The following CDH13 variants were observed in gnomAD, a reference collection of about 807,000 sequenced individuals.
CDH13 encodes the protein cadherin 13, also known as cadherin-13.
CDH13 carries 24 observed loss-of-function variants against 63.8 expected under a neutral mutation model. The observed-to-expected ratio is 0.38, with a 90% confidence interval of 0.27 to 0.53. CDH13 has a LOEUF of 0.53. Among genes scored for constraint, CDH13 ranks in the 20% least tolerant of loss-of-function variants. CDH13 has a pLI of 0.85. For synonymous variants in CDH13, 503 were observed against 355.3 expected (o/e 1.42, Z -4.67); for missense variants, 1,049 against 903.1 (o/e 1.16, Z -2.07).
At position 82,750,504 on chromosome 16, in the gene CDH13, A is replaced by G. The variant is rs115967131; in HGVS notation, c.46-107858A>G. 7.3e-3 allele frequency among the ~76,000 whole-genome samples: 1,104 copies of G among 152,262 alleles called. 18 individuals are homozygous for G. Among genetic ancestry groups the G allele is most frequent in the African/African-American group, 0.026 (1,061 of 41,544 alleles). Reference sequence around the variant, plus strand: ...TCCTCCCTTTGCCCATTCAATTCCAATCTGAATGTTAGTACCAGACTAATG... The same window carrying G: ...TCCTCCCTTTGCCCATTCAATTCCAGTCTGAATGTTAGTACCAGACTAATG... On this transcript the variant is annotated intron_variant, in intron 1 of 13. Transcript: ENST00000567109.
chr16:82,677,112 G>C (rs1225107569), intron 1 of CDH13, among the ~76,000 whole-genome samples: 1 of 152,186 alleles, frequency 6.6e-6, no homozygotes, highest in Non-Finnish European at 1.5e-5. Context: ...TTGATCTCTT[G>C]ACCTCATGAT....
intron 2 of CDH13, among the ~76,000 whole-genome samples, chr16:83,022,694 A>T (rs1376554652): frequency 6.6e-6 from 1 of 152,132 alleles, no homozygotes; most frequent in Non-Finnish European, 1.5e-5. Flanking sequence ...TCTGATTCAT[A>T]TGCATCCTTG....
chr16:83,515,594 A>G (rs965524324), intron 7 of CDH13, among the ~76,000 whole-genome samples: 6 of 152,208 alleles, frequency 3.9e-5, no homozygotes, highest in Non-Finnish European at 7.3e-5. Context: ...CCCAGCTGTC[A>G]AAGTTTCCAG....
chr16:83,030,497 G>T (rs146049545), intron 2 of CDH13, among the ~76,000 whole-genome samples: 2 of 151,812 alleles, frequency 1.3e-5, no homozygotes, highest in Admixed American at 6.6e-5. Flanking sequence ...ACAAAAATTA[G>T]CCAGGCATGA....
intron 3 of CDH13, among the ~76,000 whole-genome samples, chr16:83,042,343 G>C (rs919369143): frequency 2.0e-5 from 3 of 152,168 alleles, no homozygotes; most frequent in Non-Finnish European, 2.9e-5. Flanking sequence ...GATTCTCATA[G>C]GAGTGTGAAC....
intron 6 of CDH13, among the ~76,000 whole-genome samples, chr16:83,451,655 C>T (rs922770457): frequency 2.0e-5 from 3 of 152,134 alleles, no homozygotes; most frequent in African/African-American, 7.2e-5. Context: ...ATAGCTGGGA[C>T]CACTGGTATG....
At chr16:83,229,062 G>A (rs2039928393) in intron 5 of CDH13, among the ~76,000 whole-genome samples, 1 of 152,110 alleles carries the variant, frequency 6.6e-6, no homozygotes, top group Admixed American at 6.5e-5. Context: ...CTTGTGGGAG[G>A]AGGGCAGGCC....
At chr16:83,322,869 C>G (rs1023600467) in intron 5 of CDH13, among the ~76,000 whole-genome samples, 1 of 151,936 alleles carries the variant, frequency 6.6e-6, no homozygotes, top group Non-Finnish European at 1.5e-5. Context: ...ACTAGAACCA[C>G]CTTCTGATTT....
At chr16:82,829,435 T>C (rs2038423039) in intron 1 of CDH13, 1 of 152,116 alleles carries the variant, frequency 6.6e-6, no homozygotes, top group African/African-American at 2.4e-5. Flanking sequence ...GAGGGGCCAG[T>C]ATTGCATTTA....
chr16:83,295,555 G>T (rs2089571657), intron 5 of CDH13, among the ~76,000 whole-genome samples: 1 of 152,006 alleles, frequency 6.6e-6, no homozygotes, highest in Admixed American at 6.6e-5. Flanking sequence ...CATAAAAATG[G>T]CCAGCAGGCA....
At chr16:83,089,097 C>A (rs2033763280) in intron 3 of CDH13, among the ~76,000 whole-genome samples, 1 of 152,108 alleles carries the variant, frequency 6.6e-6, no homozygotes, top group South Asian at 2.1e-4. Context: ...AATTCCTTTC[C>A]ATGTCTATGG....
chr16:83,389,369 A>T (rs1054437014), intron 6 of CDH13, among the ~76,000 whole-genome samples: 1 of 152,158 alleles, frequency 6.6e-6, no homozygotes, highest in Non-Finnish European at 1.5e-5. Context: ...TTATTTTCAA[A>T]TCTGATTTTC....
At chr16:82,940,430 G>T (rs1353486144) in intron 2 of CDH13, among the ~76,000 whole-genome samples, 1 of 152,128 alleles carries the variant, frequency 6.6e-6, no homozygotes, top group Non-Finnish European at 1.5e-5. Context: ...AACCTTAGCA[G>T]TTATGATTGT....
chr16:83,296,481 A>G (rs2089600630), intron 5 of CDH13, among the ~76,000 whole-genome samples: 1 of 152,190 alleles, frequency 6.6e-6, no homozygotes, highest in Admixed American at 6.5e-5. Flanking sequence ...TGGAAAGGGG[A>G]GAGGCATAAG....
chr16:83,046,752 T>C (rs1020777255), intron 3 of CDH13, among the ~76,000 whole-genome samples: 2 of 152,162 alleles, frequency 1.3e-5, no homozygotes, highest in Non-Finnish European at 2.9e-5. Context: ...GCCTCCTAGA[T>C]AGTGAGGCTG....
At chr16:83,327,552 C>G (rs1054241636) in intron 5 of CDH13, among the ~76,000 whole-genome samples, 9 of 152,082 alleles carry the variant, frequency 5.9e-5, no homozygotes, top group African/African-American at 2.2e-4. Flanking sequence ...GCTATGGAAA[C>G]AAGACAGACA....
chr16:83,464,810 A>G (rs2073267782), intron 6 of CDH13, among the ~76,000 whole-genome samples: 1 of 152,138 alleles, frequency 6.6e-6, no homozygotes, highest in Admixed American at 6.5e-5. Context: ...CCTAGTACAG[A>G]AAGTGATAAT....
At chr16:83,340,272 T>A (rs1334571605) in intron 5 of CDH13, among the ~76,000 whole-genome samples, 1 of 151,444 alleles carries the variant, frequency 6.6e-6, no homozygotes, top group Non-Finnish European at 1.5e-5. Flanking sequence ...GTGCTATGTC[T>A]GTGGTACATG....
intron 7 of CDH13, among the ~76,000 whole-genome samples, chr16:83,517,953 G>T (rs2151614507): frequency 6.6e-6 from 1 of 152,144 alleles, no homozygotes; most frequent in African/African-American, 2.4e-5. Context: ...ACTGAGCCCT[G>T]GGGTGATGAA....
Sources: gnomAD v4.1 joint callset for allele counts (sites outside exome capture counted in the v4.1 genomes callset) on GRCh38, gnomAD v4.1.1 for gene constraint, MANE v1.5 for transcripts, NCBI Gene and HGNC (gene_info 2026-07-23, HGNC 2026-07-21) for gene names.